The following PSMD3 variants were observed in gnomAD, a reference collection of about 807,000 sequenced individuals.
PSMD3 encodes the protein 26S proteasome non-ATPase regulatory subunit 3.
A neutral mutation model predicts 62.8 loss-of-function variants in PSMD3; 5 were observed. The observed-to-expected ratio is 0.08, with a 90% confidence interval of 0.04 to 0.17. The LOEUF (loss-of-function observed/expected upper bound fraction) is 0.17. Among genes scored for constraint, PSMD3 ranks in the 10% least tolerant of loss-of-function variants. The pLI, the probability that PSMD3 is intolerant of heterozygous loss-of-function variation, is 1.00. For synonymous variants in PSMD3, 265 were observed against 283.9 expected (o/e 0.93, Z 0.67); for missense variants, 524 against 713.6 (o/e 0.73, Z 3.03).
At chr17:39,984,000 C>T (rs557018541) in intron 1 of PSMD3, among the ~76,000 whole-genome samples, 2 of 152,032 alleles carry the variant, frequency 1.3e-5, no homozygotes, top group African/African-American at 2.4e-5. Flanking sequence ...GAGATCGAGA[C>T]CATCCTGGCT....
At chr17:39,984,553 C>T in intron 2 of PSMD3, 69 bp downstream of exon 2, 1 of 1,418,814 alleles carries the variant, frequency 7.0e-7, no homozygotes, top group Non-Finnish European at 9.6e-7. Flanking sequence ...CATTGTTTTC[C>T]ATCCTAAAGT....
At chr17:39,997,159 G>C (rs1980803372) in intron 10 of PSMD3, among the ~76,000 whole-genome samples, 171 bp from the exon 11 acceptor site, 1 of 152,140 alleles carries the variant, frequency 6.6e-6, no homozygotes, top group Admixed American at 6.5e-5. Context: ...TTTCCCACAG[G>C]GCACTGTAAT....
chr17:39,986,526 T>G, intron 2 of PSMD3, 49 bp from the exon 3 acceptor site: 1 of 1,601,054 alleles, frequency 6.2e-7, no homozygotes, highest in South Asian at 1.1e-5. Flanking sequence ...AAATTCTTGG[T>G]TACTTGATCA....
chr17:39,984,506 A>G, intron 2 of PSMD3, 22 bp downstream of exon 2: 1 of 1,596,882 alleles, frequency 6.3e-7, no homozygotes, highest in Non-Finnish European at 8.6e-7. Flanking sequence ...AGGCCAACTT[A>G]AAGGGTGCAG....
rs1444251830 is a variant in PSMD3 at position 39,997,584 on chromosome 17, TG to T, written c.*9del. On this transcript the variant is annotated 3_prime_UTR_variant, in exon 12 of 12. Transcript: ENST00000264639. ...ATGATGATGACAGCTTCCCTTGAGCTGGGGGGCTGGGGAGGGGTAGGGGGAA... is the reference window on the plus strand; with the variant it reads ...ATGATGATGACAGCTTCCCTTGAGCTGGGGGCTGGGGAGGGGTAGGGGGAA... The T allele has an allele frequency of 1.8e-6, 2 of 1,103,406 alleles. No individual in the cohort carries two copies. Among genetic ancestry groups the T allele is most frequent in the Non-Finnish European group, 2.6e-6 (2 of 770,332 alleles). 68.4% of individuals were successfully genotyped at this position (1,103,406 alleles called of 1,614,324 possible). A position where few individuals can be genotyped will look rare whatever the true frequency, so the allele number is the denominator to read the frequency against.
rs201868855 is a variant in PSMD3 at position 39,997,545 on chromosome 17, G to A, written c.1569G>A (p.Lys523=). The change falls in exon 12 of 12, where the codon AAG becomes AAA. Residue 523 remains lysine (K), a synonymous_variant. Transcript: ENST00000264639. ...AACAGCAGGACTTGGAGTTTGCCAAGGAGATGGCAGAAGATGATGATGACA... is the reference window on the plus strand; with the variant it reads ...AACAGCAGGACTTGGAGTTTGCCAAAGAGATGGCAGAAGATGATGATGACA... The part of the protein sequence containing the change: ...EREQQDLEFA[K]EMAEDDDDSF... 37 of 1,614,268 alleles carry A rather than the reference G, an allele frequency of 2.3e-5. No homozygotes were observed. The East Asian group carries it at 7.6e-4, about 33-fold the overall frequency.
At chr17:39,986,350 C>T (rs530156625) in intron 2 of PSMD3, among the ~76,000 whole-genome samples, 1 of 152,332 alleles carries the variant, frequency 6.6e-6, no homozygotes, top group African/African-American at 2.4e-5. Flanking sequence ...CCTGCCTCAG[C>T]CTTCCAGGTA....
intron 3 of PSMD3, 93 bp from the exon 4 acceptor site, chr17:39,988,590 A>G (rs1030996958): frequency 2.1e-5 from 30 of 1,418,250 alleles, no homozygotes; most frequent in Admixed American, 1.2e-4. Context: ...CTTGGCTTGC[A>G]TACCTAGGAT....
chr17:39,990,823 G>A (rs531862061), intron 6 of PSMD3, among the ~76,000 whole-genome samples: 2 of 152,242 alleles, frequency 1.3e-5, no homozygotes, highest in African/African-American at 2.4e-5. Flanking sequence ...TGTGGCCAAG[G>A]AACCCAGAAA....
At chr17:39,983,948 C>T (rs996627086) in intron 1 of PSMD3, among the ~76,000 whole-genome samples, 9 of 151,868 alleles carry the variant, frequency 5.9e-5, no homozygotes, top group African/African-American at 1.7e-4. Context: ...GCCTATAATC[C>T]CAGCACTTTG....
chr17:39,981,143 C>G lies in PSMD3; in HGVS notation c.173C>G (p.Ala58Gly). The G allele has an allele frequency of 6.4e-7, 1 of 1,550,764 alleles. No homozygotes were observed. The highest frequency in any genetic ancestry group is 1.2e-5 in the South Asian group (1 of 84,052). The change falls in exon 1 of 12, where the codon GCA (alanine) becomes GGA (glycine). Residue 58 changes from alanine (A) to glycine (G), a missense_variant. Ala to Gly is a moderately conservative substitution (Grantham distance 60). Coordinates refer to ENST00000264639, the MANE Select transcript of PSMD3 (RefSeq NM_002809.4). ...GAGGCAGACGGCAAGACGGCGGCGGCAGCGGCTGAGCACTCCCAGCGAGAG... is the reference window on the plus strand; with the variant it reads ...GAGGCAGACGGCAAGACGGCGGCGGGAGCGGCTGAGCACTCCCAGCGAGAG... ...TGEADGKTAAAAAEHSQRELD... is the reference protein window; with the variant it reads ...TGEADGKTAAGAAEHSQRELD...
intron 2 of PSMD3, among the ~76,000 whole-genome samples, chr17:39,985,412 C>T (rs1013222033): frequency 5.9e-5 from 9 of 152,180 alleles, no homozygotes; most frequent in Admixed American, 2.0e-4. Flanking sequence ...AGAGCAGTGC[C>T]TGGTACGTAG....
chr17:39,986,951 G>C (rs1980540419), intron 3 of PSMD3, among the ~76,000 whole-genome samples: 1 of 152,146 alleles, frequency 6.6e-6, no homozygotes, highest in Non-Finnish European at 1.5e-5. Context: ...GGGGATACCA[G>C]CGTAGTACAT....
At chr17:39,994,698 T>C in intron 6 of PSMD3, 1 of 513,236 alleles carries the variant, frequency 1.9e-6, no homozygotes, top group South Asian at 2.2e-5. Flanking sequence ...ACGCGCGGGG[T>C]GGCCAGGTGA....
At chr17:39,991,367 G>A (rs1365026158) in intron 6 of PSMD3, among the ~76,000 whole-genome samples, 1 of 152,118 alleles carries the variant, frequency 6.6e-6, no homozygotes, top group Non-Finnish European at 1.5e-5. Flanking sequence ...TGTTGGCCAG[G>A]CTGGTCTCGA....
chr17:39,981,086 A>G lies in PSMD3; in HGVS notation c.116A>G (p.Glu39Gly). Residue 39 changes from glutamate to glycine, a missense_variant, in exon 1 of 12, where the codon GAG becomes GGG. Around this residue, in one of 4 missense-constraint regions of PSMD3, gnomAD observed 396 missense variants for 475.8 expected, o/e 0.83. Transcript: ENST00000264639. ...GCCCCCCAGGATGTGGAGATGAAAG[A>G]GGAGGCAGCGACGGGTGGCGGGTCG... is the stretch of plus-strand genomic sequence containing the variant. ...PPAPQDVEMK[E>G]EAATGGGSTG... is the part of the protein sequence containing the mutation. 6.4e-7 allele frequency: 1 copy of G among 1,550,752 alleles called. No individual in the cohort carries two copies. The highest frequency in any genetic ancestry group is 8.7e-7 in the Non-Finnish European group (1 of 1,146,792).
chr17:39,990,283 GAACTCC>G, intron 6 of PSMD3, 86 bp downstream of exon 6: 1 of 1,201,282 alleles, frequency 8.3e-7, no homozygotes, highest in South Asian at 1.5e-5. Context: ...GGCTGGTCTT[GAACTCC>G]TGGGTTCAAG....
intron 1 of PSMD3, among the ~76,000 whole-genome samples, chr17:39,982,356 G>T (rs1268082059): frequency 6.6e-6 from 1 of 152,214 alleles, no homozygotes; most frequent in Non-Finnish European, 1.5e-5. Flanking sequence ...GAATGTATGA[G>T]AAGTTAAAAG....
At chr17:39,997,161 C>G (rs750618546) in intron 10 of PSMD3, among the ~76,000 whole-genome samples, 169 bp from the exon 11 acceptor site, 1 of 152,188 alleles carries the variant, frequency 6.6e-6, no homozygotes, top group Non-Finnish European at 1.5e-5. Flanking sequence ...TCCCACAGGG[C>G]ACTGTAATAA....
Sources: allele counts gnomAD v4.1 joint callset (sites outside exome capture counted in the v4.1 genomes callset), GRCh38; gene constraint gnomAD v4.1.1; regional missense constraint gnomAD v4.1.1; transcripts MANE v1.5; gene names NCBI Gene and HGNC (gene_info 2026-07-23, HGNC 2026-07-21).